KIAA0513: variants seen among roughly 807,000 people sequenced by gnomAD.
The protein encoded by KIAA0513 is KIAA0513.
In KIAA0513, 39 loss-of-function variants were observed where a neutral mutation model predicts 56.5. The observed-to-expected ratio is 0.69, with a 90% CI of 0.53 to 0.90. KIAA0513 has a LOEUF of 0.90. Ranked by LOEUF, KIAA0513 falls within the 40% of genes least tolerant of loss-of-function variation. The pLI, the probability that KIAA0513 is intolerant of heterozygous loss-of-function variation, is 0.00. For missense variants in KIAA0513, 591 were observed against 535.2 expected (o/e 1.10, Z -1.03); for synonymous variants, 268 against 215.6 (o/e 1.24, Z -2.13).
At chr16:85,077,361 T>C (rs531297009) in intron 5 of KIAA0513, 64 bp from the exon 6 acceptor site, 10 of 1,504,784 alleles carry the variant, frequency 6.6e-6, no homozygotes, top group Non-Finnish European at 9.1e-6. Flanking sequence ...CCTCTGGGCC[T>C]CTGCAGTTAG....
chr16:85,051,145 TA>T (rs974580364), intron 1 of KIAA0513, among the ~76,000 whole-genome samples: 3 of 150,824 alleles, frequency 2.0e-5, no homozygotes, highest in African/African-American at 4.9e-5. Flanking sequence ...GACCCTGTCT[TA>T]AAAAAAAAGG....
At chr16:85,075,784 G>C in intron 4 of KIAA0513, 60 bp from the exon 5 acceptor site, 1 of 1,488,848 alleles carries the variant, frequency 6.7e-7, no homozygotes, top group South Asian at 1.1e-5. Context: ...ATGTCTGACC[G>C]ACTTGCAGGA....
chr16:85,057,575 G>C (rs2073347354), intron 1 of KIAA0513, among the ~76,000 whole-genome samples: 1 of 152,172 alleles, frequency 6.6e-6, no homozygotes, highest in African/African-American at 2.4e-5. Context: ...GCCTGACCCT[G>C]TTCCAGTCCC....
At chr16:85,085,749 G>T (rs1207661209) in intron 10 of KIAA0513, among the ~76,000 whole-genome samples, 2 of 152,182 alleles carry the variant, frequency 1.3e-5, no homozygotes, top group Non-Finnish European at 2.9e-5. Context: ...CAGCACTCCC[G>T]TCTAAAGCAC....
At chr16:85,086,845 AC>A in intron 11 of KIAA0513, 121 bp downstream of exon 11, 1 of 966,824 alleles carries the variant, frequency 1.0e-6, no homozygotes, top group African/African-American at 1.6e-5. Flanking sequence ...GGGGTTCATC[AC>A]ACTTGGCCTC....
intron 1 of KIAA0513, among the ~76,000 whole-genome samples, chr16:85,035,786 GGCTAACACA>G (rs1039841565): frequency 5.9e-5 from 9 of 152,078 alleles, no homozygotes; most frequent in Admixed American, 2.0e-4. Flanking sequence ...AGACCATCCT[GGCTAACACA>G]GTGAAACCCC....
chr16:85,068,056 C>A (rs1038241958), intron 2 of KIAA0513, among the ~76,000 whole-genome samples: 2 of 152,272 alleles, frequency 1.3e-5, no homozygotes, highest in East Asian at 1.9e-4. Flanking sequence ...TGTGATCCAC[C>A]CGCCTCAGCC....
chr16:85,041,917 T>G (rs779993735), intron 1 of KIAA0513, among the ~76,000 whole-genome samples: 4 of 152,316 alleles, frequency 2.6e-5, no homozygotes, highest in Non-Finnish European at 4.4e-5. Context: ...CTTGAAACGA[T>G]TCCCGGGATT....
At chr16:85,050,559 C>T (rs1350201618) in intron 1 of KIAA0513, among the ~76,000 whole-genome samples, 1 of 151,992 alleles carries the variant, frequency 6.6e-6, no homozygotes, top group African/African-American at 2.4e-5. Context: ...CAAGTGATCC[C>T]CCTGCCTCGG....
chr16:85,069,269 G>T (rs1363579562), intron 2 of KIAA0513, among the ~76,000 whole-genome samples: 1 of 151,158 alleles, frequency 6.6e-6, no homozygotes, highest in Non-Finnish European at 1.5e-5. Context: ...TGAGTGCAGT[G>T]GTGCAGTCAT....
rs772680563 is a variant in KIAA0513 at position 85,078,346 on chromosome 16, A to T, written c.783-69A>T. On this transcript the variant is annotated intron_variant, in intron 6 of 12. Transcript: ENST00000683363. ...CCCAGTCCCACCTTAGAAGTGTAGA[A>T]CAGCGTCTTTGAGTTGAGAAAGTGT... is the stretch of plus-strand genomic sequence containing the variant. 34 of 1,561,622 alleles carry T rather than the reference A, an allele frequency of 2.2e-5. No individual in the cohort carries two copies. The Admixed American group carries it at 4.0e-4, about 19-fold the overall frequency.
At chr16:85,074,498 C>T (rs1408435580) in intron 4 of KIAA0513, among the ~76,000 whole-genome samples, 1 of 152,142 alleles carries the variant, frequency 6.6e-6, no homozygotes, top group Non-Finnish European at 1.5e-5. Context: ...TCTTGAGTCC[C>T]AGTTCTCCTG....
chr16:85,059,563 C>T (rs1174270066), intron 1 of KIAA0513, among the ~76,000 whole-genome samples: 1 of 152,198 alleles, frequency 6.6e-6, no homozygotes, highest in Non-Finnish European at 1.5e-5. Context: ...AGGTGGTCCC[C>T]GCACACACCC....
chr16:85,056,325 C>T (rs993173545), intron 1 of KIAA0513, among the ~76,000 whole-genome samples: 2 of 152,224 alleles, frequency 1.3e-5, no homozygotes, highest in African/African-American at 4.8e-5. Context: ...TCAACACCGC[C>T]ATGAGAAGTC....
chr16:85,078,038 T>C (rs1199402527), intron 6 of KIAA0513, among the ~76,000 whole-genome samples: 1 of 152,068 alleles, frequency 6.6e-6, no homozygotes, highest in Non-Finnish European at 1.5e-5. Flanking sequence ...GAGGAATGCT[T>C]TGGGGACGGG....
rs751384535 is a variant in KIAA0513 at position 85,067,124 on chromosome 16, C to T, written c.53C>T (p.Ala18Val). 6 of 1,611,730 alleles carry T rather than the reference C, an allele frequency of 3.7e-6. No homozygotes were observed. The highest frequency in any genetic ancestry group is 3.4e-6 in the Non-Finnish European group (4 of 1,178,606). ...VGSLIDFGPEAPTSSPLEAPP... is the reference protein window; with the variant it reads ...VGSLIDFGPEVPTSSPLEAPP... ...TCGCTAATCGACTTTGGGCCTGAGG[C>T]ACCCACCTCTTCTCCCCTGGAGGCA... The change falls in exon 2 of 13, where the codon GCA becomes GTA. Residue 18 changes from alanine (A) to valine (V), a missense_variant. Ala to Val is a moderately conservative substitution (Grantham distance 64). Coordinates refer to ENST00000683363, the MANE Select transcript of KIAA0513 (RefSeq NM_001388359.1).
intron 1 of KIAA0513, among the ~76,000 whole-genome samples, chr16:85,034,741 C>A (rs1446438087): frequency 6.6e-6 from 1 of 152,190 alleles, no homozygotes; most frequent in African/African-American, 2.4e-5. Context: ...GTCACTTTAG[C>A]CCTCACCAAA....
chr16:85,033,223 C>A (rs1024626278), intron 1 of KIAA0513, among the ~76,000 whole-genome samples: 1 of 152,110 alleles, frequency 6.6e-6, no homozygotes. Flanking sequence ...GCGACCTGCC[C>A]GAGGCCATGC....
chr16:85,040,810 G>A (rs561627006), intron 1 of KIAA0513, among the ~76,000 whole-genome samples: 1 of 152,320 alleles, frequency 6.6e-6, no homozygotes, highest in African/African-American at 2.4e-5. Context: ...GAATTTTGTA[G>A]AGAAGCCATC....
Sources: allele counts gnomAD v4.1 joint callset (sites outside exome capture counted in the v4.1 genomes callset), GRCh38; gene constraint gnomAD v4.1.1; transcripts MANE v1.5; gene names NCBI Gene and HGNC (gene_info 2026-07-23, HGNC 2026-07-21).